Variants in TIPIN observed in about 807,000 individuals in gnomAD.
TIPIN encodes TIMELESS-interacting protein.
TIPIN carries 29 observed loss-of-function variants against 35.6 expected under a neutral mutation model. That is an observed-to-expected ratio of 0.82 (90% CI 0.61 to 1.11). The LOEUF is 1.11. Ranked by LOEUF, TIPIN falls within the 50% of genes most tolerant of loss-of-function variation. The pLI is 0.00. For missense variants in TIPIN, 296 were observed against 345.4 expected, an observed-to-expected ratio of 0.86 and a Z score of 1.13; for synonymous variants, 102 against 121.5, an observed-to-expected ratio of 0.84 and a Z score of 1.06.
intron 1 of TIPIN, among the ~76,000 whole-genome samples, chr15:66,374,783 T>C (rs1174045032): frequency 1.3e-5 from 2 of 152,236 alleles, no homozygotes; most frequent in Middle Eastern, 3.4e-3. Flanking sequence ...GGTTTCACCA[T>C]ATTGCCCAGG....
At chr15:66,365,307 A>C (rs2093249444) in intron 1 of TIPIN, among the ~76,000 whole-genome samples, 1 of 151,632 alleles carries the variant, frequency 6.6e-6, no homozygotes, top group Non-Finnish European at 1.5e-5. Flanking sequence ...TACATAATAC[A>C]TTCTAATACA....
chr15:66,354,414 C>T (rs2140468387), intron 1 of TIPIN, among the ~76,000 whole-genome samples: 1 of 152,326 alleles, frequency 6.6e-6, no homozygotes, highest in East Asian at 1.9e-4. Context: ...CTAAATATCC[C>T]TTGAATCTGT....
chr15:66,372,595 A>T (rs2093281362), intron 1 of TIPIN, among the ~76,000 whole-genome samples: 2 of 152,186 alleles, frequency 1.3e-5, no homozygotes, highest in African/African-American at 4.8e-5. Context: ...CACATATATG[A>T]TGATGGTCCC....
At chr15:66,362,078 C>T (rs1308689082) in intron 1 of TIPIN, among the ~76,000 whole-genome samples, 2 of 151,972 alleles carry the variant, frequency 1.3e-5, no homozygotes, top group African/African-American at 4.8e-5. Context: ...CCAAGGCAGG[C>T]GGATCACCTG....
chr15:66,345,736 C>T (rs2093120397), intron 6 of TIPIN, among the ~76,000 whole-genome samples: 1 of 151,924 alleles, frequency 6.6e-6, no homozygotes, highest in African/African-American at 2.4e-5. Flanking sequence ...CATTACAAAT[C>T]ACATCCGTAT....
chr15:66,340,421 C>A (rs1443328354), intron 7 of TIPIN, among the ~76,000 whole-genome samples: 1 of 150,120 alleles, frequency 6.7e-6, no homozygotes, highest in African/African-American at 2.5e-5. Context: ...CGGGTGATGG[C>A]CCACTTTGGC....
chr15:66,386,162 AGTGCCT>A (rs1429665079), intron 1 of TIPIN, among the ~76,000 whole-genome samples: 2 of 152,188 alleles, frequency 1.3e-5, no homozygotes, highest in African/African-American at 4.8e-5. Flanking sequence ...CATGACGGCG[AGTGCCT>A]GTAATCCCAG....
chr15:66,373,374 TC>T (rs2093284601), intron 1 of TIPIN, among the ~76,000 whole-genome samples: 1 of 151,650 alleles, frequency 6.6e-6, no homozygotes, highest in African/African-American at 2.4e-5. Context: ...GCGCCTGTAG[TC>T]CCAGCTACTC....
rs1283408821 is a variant in TIPIN at position 66,336,786 on chromosome 15, TTAAC to T, written c.*168_*171del. On this transcript the variant is annotated 3_prime_UTR_variant, in exon 8 of 8. Coordinates refer to ENST00000261881, the MANE Select transcript of TIPIN (RefSeq NM_017858.3). The stretch of plus-strand genomic sequence containing the variant: ...CAAACACTAAAGAGAACAAATAGAT[TTAAC>T]TAAAGTGACAAGCATAATTATAAAT... The T allele has an allele frequency of 2.6e-5, 15 of 586,408 alleles. No individual in the cohort carries two copies. The Admixed American group carries it at 4.5e-4, about 18-fold the overall frequency. The allele number at this position is 586,408 out of a possible 1,614,324, so 36.3% of individuals were successfully genotyped here.
chr15:66,380,225 C>T (rs1385078286), intron 1 of TIPIN, among the ~76,000 whole-genome samples: 1 of 151,498 alleles, frequency 6.6e-6, no homozygotes, highest in Non-Finnish European at 1.5e-5. Context: ...AGGATGGTTT[C>T]GATCTCCTGA....
At chr15:66,367,783 GTTA>G (rs1216335176) in intron 1 of TIPIN, among the ~76,000 whole-genome samples, 1 of 146,344 alleles carries the variant, frequency 6.8e-6, no homozygotes, top group East Asian at 2.0e-4. Context: ...TTGCTATTTT[GTTA>G]TTATGAGTAA....
intron 6 of TIPIN, among the ~76,000 whole-genome samples, chr15:66,344,931 C>T (rs1483134159): frequency 6.6e-6 from 1 of 152,106 alleles, no homozygotes; most frequent in Non-Finnish European, 1.5e-5. Context: ...AATTCATTTA[C>T]TGCAACATTC....
At chr15:66,372,121 T>TA (rs1358304670) in intron 1 of TIPIN, among the ~76,000 whole-genome samples, 1 of 152,054 alleles carries the variant, frequency 6.6e-6, no homozygotes, top group Non-Finnish European at 1.5e-5. Flanking sequence ...AAGGGTAACA[T>TA]ACAGACAGAA....
At position 66,341,028 on chromosome 15, in the gene TIPIN, C is replaced by A. The variant is rs1228790396; in HGVS notation, c.682+122G>T. ...ACACTGTCTCTAAAATATACATAAA[C>A]TTAATATCACACTTTTCCACTCCTA... On this transcript the variant is annotated intron_variant, in intron 7 of 7. Transcript: ENST00000261881. 4.9e-6 allele frequency: 4 copies of A among 820,734 alleles called. No homozygotes were observed. The African/African-American group carries it at 5.2e-5, about 11-fold the overall frequency. 50.8% of individuals were successfully genotyped at this position (820,734 alleles called of 1,614,324 possible). A position where few individuals can be genotyped will look rare whatever the true frequency, so the allele number is the denominator to read the frequency against.
Position 66,341,162 on chromosome 15 carries a change from TCTGA to T in TIPIN, c.666_669del (p.Ser222ArgfsTer3), listed in dbSNP as rs1440435028. The T allele has an allele frequency of 1.1e-5, 18 of 1,611,552 alleles. No individual in the cohort carries two copies. The highest frequency in any genetic ancestry group is 6.7e-5 in the African/African-American group (5 of 74,872). ...GCATAAAATTTACCATTTCCTAGGG[TCTGA>T]CTATTACTCAGCAGCTTTGCCTGCC... On this transcript the variant is annotated frameshift_variant, in exon 7 of 8. Coordinates refer to ENST00000261881, the MANE Select transcript of TIPIN (RefSeq NM_017858.3). LOFTEE classifies it high-confidence loss of function.
At chr15:66,381,963 G>C (rs1480484538) in intron 1 of TIPIN, among the ~76,000 whole-genome samples, 1 of 152,188 alleles carries the variant, frequency 6.6e-6, no homozygotes. Context: ...TACTTGGGAG[G>C]CTGAGGCAGG....
chr15:66,354,550 G>T (rs1001028764), intron 1 of TIPIN, among the ~76,000 whole-genome samples: 2 of 152,060 alleles, frequency 1.3e-5, no homozygotes, highest in African/African-American at 2.4e-5. Context: ...ATATAAAGCT[G>T]ATCACCTCAC....
intron 1 of TIPIN, chr15:66,379,734 C>T: frequency 6.2e-7 from 1 of 1,608,454 alleles, no homozygotes; most frequent in Non-Finnish European, 8.5e-7. Flanking sequence ...TCTGTTACCC[C>T]ACCATTTGTC....
chr15:66,360,547 C>T (rs1389725634), upstream of TIPIN, among the ~76,000 whole-genome samples: 1 of 152,164 alleles, frequency 6.6e-6, no homozygotes, highest in Non-Finnish European at 1.5e-5. Context: ...AACTAATTGT[C>T]CACCGGATGC....
Sources: allele counts gnomAD v4.1 joint callset (sites outside exome capture counted in the v4.1 genomes callset), GRCh38; gene constraint gnomAD v4.1.1; transcripts MANE v1.5; gene names NCBI Gene and HGNC (gene_info 2026-07-23, HGNC 2026-07-21).